Variants in ADAM12 observed in about 807,000 individuals in gnomAD.
The protein encoded by ADAM12 is disintegrin and metalloproteinase domain-containing protein 12.
Under a neutral mutation model 106.4 loss-of-function variants are expected in ADAM12, and 70 were observed. The ratio of observed to expected loss-of-function variants is 0.66; its 90% confidence interval spans 0.54 to 0.80. The LOEUF (loss-of-function observed/expected upper bound fraction) is 0.80, where lower values mean the gene tolerates loss of function less well. Among genes scored for constraint, ADAM12 ranks in the 30% least tolerant of loss-of-function variants. The pLI is 0.00. For synonymous variants in ADAM12, 420 were observed against 433.5 expected (o/e 0.97, Z 0.39); for missense variants, 1,010 against 1,171.9 (o/e 0.86, Z 2.02).
At chr10:126,163,262 A>G (rs899045575) in intron 3 of ADAM12, among the ~76,000 whole-genome samples, 24 of 152,282 alleles carry the variant, frequency 1.6e-4, no homozygotes, top group African/African-American at 5.5e-4. Flanking sequence ...CAGTGCTGAG[A>G]GCTGTTCTCT....
chr10:126,121,183 C>CACTA (rs1956097908), intron 5 of ADAM12, among the ~76,000 whole-genome samples: 1 of 91,634 alleles, frequency 1.1e-5, no homozygotes, highest in African/African-American at 4.6e-5. Context: ...ACTATATACA[C>CACTA]TATATACTAT....
intron 2 of ADAM12, among the ~76,000 whole-genome samples, chr10:126,317,138 T>C (rs953611306): frequency 6.6e-6 from 1 of 152,230 alleles, no homozygotes; most frequent in African/African-American, 2.4e-5. Flanking sequence ...TGGGAAGTGC[T>C]GTACCTGTGA....
chr10:126,383,734 A>G (rs1256310546), intron 1 of ADAM12, among the ~76,000 whole-genome samples: 4 of 152,172 alleles, frequency 2.6e-5, no homozygotes, highest in Non-Finnish European at 5.9e-5. Context: ...TCTTTCTTGG[A>G]ATTTTATACC....
At chr10:126,040,524 C>T (rs953138556) in intron 18 of ADAM12, among the ~76,000 whole-genome samples, 2 of 152,126 alleles carry the variant, frequency 1.3e-5, no homozygotes, top group African/African-American at 4.8e-5. Context: ...CTAACAAGGC[C>T]TATCAGGGAT....
intron 2 of ADAM12, among the ~76,000 whole-genome samples, chr10:126,302,196 A>G (rs1026570113): frequency 6.6e-6 from 1 of 152,096 alleles, no homozygotes; most frequent in Non-Finnish European, 1.5e-5. Context: ...TGTCCGTCCA[A>G]ACTGTTCATT....
intron 3 of ADAM12, among the ~76,000 whole-genome samples, chr10:126,193,036 T>C (rs56151643): frequency 0.18 from 27,159 of 151,942 alleles, 5,019 homozygotes; most frequent in East Asian, 0.44. Flanking sequence ...AAGACCAAGG[T>C]GGGTGGATCA....
intron 3 of ADAM12, among the ~76,000 whole-genome samples, chr10:126,276,028 T>C (rs958327181): frequency 6.6e-6 from 1 of 152,200 alleles, no homozygotes; most frequent in Non-Finnish European, 1.5e-5. Context: ...GCTAGTTACA[T>C]TGATTATACC....
chr10:126,024,851 C>CAAA lies in ADAM12; in HGVS notation c.2530-5029_2530-5027dup, dbSNP rs11392876. ...AGGAAACAAATAGACACATGGAGAACAAAAAAAAAAAGCAGGGTGAGGCAA... is the reference window on the plus strand; with the variant it reads ...AGGAAACAAATAGACACATGGAGAACAAAAAAAAAAAAAAGCAGGGTGAGGCAA... On this transcript the variant is annotated intron_variant, in intron 21 of 22. Transcript: ENST00000448723. Among the ~76,000 whole-genome samples the CAAA allele has an allele frequency of 3.4e-5, 5 of 146,100 alleles. No homozygotes were observed. In the South Asian group the frequency reaches 8.6e-4, roughly 25 times the overall value.
At chr10:126,195,801 CAATTTATATGATAA>C (rs1195509791) in intron 3 of ADAM12, among the ~76,000 whole-genome samples, 1 of 151,932 alleles carries the variant, frequency 6.6e-6, no homozygotes, top group African/African-American at 2.4e-5. Flanking sequence ...TTATATGATA[CAATTTATATGATAA>C]ACTTGGGAAC....
intron 21 of ADAM12, among the ~76,000 whole-genome samples, chr10:126,030,410 C>T (rs1037366314): frequency 1.1e-4 from 16 of 152,164 alleles, no homozygotes; most frequent in East Asian, 1.9e-4. Context: ...GTAACAGTGA[C>T]GATTGCTTCT....
intron 11 of ADAM12, among the ~76,000 whole-genome samples, chr10:126,093,183 G>A (rs1043717790): frequency 2.0e-5 from 3 of 152,152 alleles, no homozygotes; most frequent in Non-Finnish European, 1.5e-5. Flanking sequence ...TGTATCCAGC[G>A]CATGCTTCCC....
intron 8 of ADAM12, among the ~76,000 whole-genome samples, chr10:126,108,222 G>C (rs1026084885): frequency 1.3e-5 from 2 of 152,222 alleles, no homozygotes; most frequent in Admixed American, 1.3e-4. Flanking sequence ...GAAGGGGCCT[G>C]TGGGATCCGT....
intron 5 of ADAM12, 108 bp downstream of exon 5, chr10:126,135,475 TG>T (rs35220394): frequency 0.18 from 191,484 of 1,053,126 alleles, 18,975 homozygotes; most frequent in Non-Finnish European, 0.22. Context: ...GTAGCTGAGC[TG>T]GGAGCCCCCA....
rs60056450 is a variant in ADAM12, at chr10:126,046,801, CAAAAAAAAAA to C, written c.1918-679_1918-670del. Among the ~76,000 whole-genome samples, 411 of 49,918 alleles carry C rather than the reference CAAAAAAAAAA, an allele frequency of 8.2e-3. 2 individuals are homozygous for C. Among genetic ancestry groups the C allele is most frequent in the African/African-American group, 0.025 (385 of 15,586 alleles). The allele number at this position is 49,918 out of a possible 152,430, so 32.7% of individuals were successfully genotyped here. A position where few individuals can be genotyped will look rare whatever the true frequency, so the allele number is the denominator to read the frequency against. Reference sequence around the variant, plus strand: ...CTGGCGACAGAGAGAGATTCCGTCTCAAAAAAAAAAAAAAAAAAAAAAAAAAGATATAGGG... The same window carrying C: ...CTGGCGACAGAGAGAGATTCCGTCTCAAAAAAAAAAAAAAAAGATATAGGG... On this transcript the variant is annotated intron_variant, in intron 16 of 22. Transcript: ENST00000448723.
chr10:126,229,648 C>A (rs377473654), intron 3 of ADAM12, among the ~76,000 whole-genome samples: 5 of 132,872 alleles, frequency 3.8e-5, no homozygotes, highest in South Asian at 5.7e-4. Flanking sequence ...CTCTTCCCCC[C>A]CACTGTCTCC....
At chr10:126,305,368 G>C (rs1051120203) in intron 2 of ADAM12, among the ~76,000 whole-genome samples, 4 of 151,964 alleles carry the variant, frequency 2.6e-5, no homozygotes, top group Non-Finnish European at 4.4e-5. Context: ...ACACAAAAGA[G>C]TACAATCACA....
intron 1 of ADAM12, among the ~76,000 whole-genome samples, chr10:126,378,579 TG>T (rs1196567805): frequency 1.3e-5 from 2 of 152,284 alleles, no homozygotes; most frequent in East Asian, 3.9e-4. Flanking sequence ...TATGTGTGTG[TG>T]TACACACACA....
At chr10:126,333,531 G>T (rs1854593330) in intron 1 of ADAM12, among the ~76,000 whole-genome samples, 2 of 152,212 alleles carry the variant, frequency 1.3e-5, no homozygotes, top group African/African-American at 4.8e-5. Flanking sequence ...AGGTGCTCCT[G>T]CAGGGAGGGG....
intron 3 of ADAM12, among the ~76,000 whole-genome samples, chr10:126,223,632 G>C (rs1958138161): frequency 2.6e-5 from 4 of 152,244 alleles, no homozygotes; most frequent in Admixed American, 2.6e-4. Context: ...AGTACGAGAA[G>C]AGCAGCCCGC....
Sources: gnomAD v4.1 joint callset for allele counts (sites outside exome capture counted in the v4.1 genomes callset) on GRCh38, gnomAD v4.1.1 for gene constraint, MANE v1.5 for transcripts, NCBI Gene and HGNC (gene_info 2026-07-23, HGNC 2026-07-21) for gene names.